Variants in KMT2A observed in about 807,000 individuals in gnomAD.
KMT2A encodes histone-lysine N-methyltransferase 2A.
KMT2A carries 16 observed loss-of-function variants against 345.3 expected under a neutral mutation model. The ratio of observed to expected loss-of-function variants is 0.05; its 90% CI spans 0.03 to 0.07. The LOEUF (loss-of-function observed/expected upper bound fraction) is 0.07. Among genes scored for constraint, KMT2A ranks in the 10% least tolerant of loss-of-function variants. KMT2A has a pLI of 1.00. For missense variants in KMT2A, 3,272 were observed against 4,841.6 expected, an observed-to-expected ratio of 0.68 and a Z score of 9.62; for synonymous variants, 1,599 against 1,778.6, an observed-to-expected ratio of 0.90 and a Z score of 2.54.
chr11:118,521,335 C>G lies in KMT2A; in HGVS notation c.11561C>G (p.Ala3854Gly), dbSNP rs2135293685. 6.2e-7 allele frequency: 1 copy of G among 1,614,016 alleles called. No individual in the cohort carries two copies. The highest frequency in any genetic ancestry group is 8.5e-7 in the Non-Finnish European group (1 of 1,179,946). The stretch of plus-strand genomic sequence containing the variant: ...CTTTTCTGTAAGAGAAACATTGATG[C>G]AGGTGAGATGGTGATTGAGTATGCC... ...RGLFCKRNID[A>G]GEMVIEYAGN... The change falls in exon 35 of 36, where the codon GCA becomes GGA. Residue 3854 changes from alanine to glycine, a missense_variant. Around this residue, in one of 27 missense-constraint regions of KMT2A, gnomAD observed 78 missense variants for 254.5 expected, o/e 0.31. Transcript: ENST00000534358. This position sits in a 1 kb window ranked among gnomAD's most constrained non-coding sequence, Gnocchi z 5.3.
At position 118,484,339 on chromosome 11, in the gene KMT2A, G is replaced by T. The variant is rs188216921; in HGVS notation, c.4218+25G>T. On this transcript the variant is annotated intron_variant, in intron 9 of 35. Transcript: ENST00000534358. This position sits in a 1 kb window ranked among gnomAD's most constrained non-coding sequence, Gnocchi z 4.1. The stretch of plus-strand genomic sequence containing the variant: ...GGTAAAGGTGTTCAGTGATCATAAA[G>T]TATATTGAGTGTCAAAGACTTTAAA... 1.7e-4 allele frequency: 269 copies of T among 1,609,836 alleles called. 1 individual carries two copies. The East Asian group carries it at 5.9e-3, about 35-fold the overall frequency.
At chr11:118,447,207 G>T (rs79587981) in intron 1 of KMT2A, among the ~76,000 whole-genome samples, 2 of 152,070 alleles carry the variant, frequency 1.3e-5, no homozygotes, top group Admixed American at 6.6e-5. Flanking sequence ...ACCTTATGTC[G>T]TGGTACTTTT....
At position 118,505,280 on chromosome 11, in the gene KMT2A, G is replaced by A. The variant is rs2134404967; in HGVS notation, c.9388G>A (p.Gly3130Ser). 6.2e-7 allele frequency: 1 copy of A among 1,614,186 alleles called. No homozygotes were observed. The highest frequency in any genetic ancestry group is 8.5e-7 in the Non-Finnish European group (1 of 1,180,028). ...TNTSVLGPMG[G>S]GLTLTTGLNP... ...TACTTCAGTATTGGGACCCATGGGA[G>A]GTGGTCTCACCCTTACCACAGGACT... Residue 3130 changes from glycine (G) to serine (S), a missense_variant, in exon 27 of 36, where the codon GGT becomes AGT. By Grantham distance (56) the Gly-to-Ser change is moderately conservative. Coordinates refer to ENST00000534358, the MANE Select transcript of KMT2A (RefSeq NM_001197104.2). The surrounding 1 kb of genome is among the most constrained non-coding windows in gnomAD (Gnocchi z 4.6).
intron 28 of KMT2A, among the ~76,000 whole-genome samples, chr11:118,508,215 G>GTA (rs1565309068): frequency 6.6e-6 from 1 of 151,910 alleles, no homozygotes; most frequent in African/African-American, 2.4e-5. Context: ...ATATAACGTG[G>GTA]TATATATATG....
chr11:118,483,656 G>C (rs558382037), intron 8 of KMT2A, among the ~76,000 whole-genome samples: 1 of 152,306 alleles, frequency 6.6e-6, no homozygotes, highest in South Asian at 2.1e-4. Context: ...GCCATTTGGC[G>C]TAATTATTTT....
At chr11:118,511,187 C>T (rs1421461913) in intron 30 of KMT2A, among the ~76,000 whole-genome samples, 3 of 151,916 alleles carry the variant, frequency 2.0e-5, no homozygotes, top group Non-Finnish European at 4.4e-5. Flanking sequence ...TGCTCAAAGA[C>T]GAGAGTTTAC....
At chr11:118,437,219 C>G (rs1949207037) in intron 1 of KMT2A, among the ~76,000 whole-genome samples, 1 of 151,854 alleles carries the variant, frequency 6.6e-6, no homozygotes, top group Non-Finnish European at 1.5e-5. Context: ...ACCCCCTCGC[C>G]GGGGTTTCCC....
chr11:118,512,280 T>A, intron 31 of KMT2A: 1 of 512,308 alleles, frequency 2.0e-6, no homozygotes, highest in Non-Finnish European at 3.4e-6. Context: ...AGAAACCCCC[T>A]ATTCATTAGC....
In KMT2A at chr11:118,499,905, T is replaced by C; in HGVS notation, c.6150T>C (p.Ile2050=). The C allele has an allele frequency of 6.2e-7, 1 of 1,605,812 alleles. No homozygotes were observed. Among genetic ancestry groups the C allele is most frequent in the Admixed American group, 1.7e-5 (1 of 60,014 alleles). The change falls in exon 24 of 36, where the codon ATT becomes ATC. Residue 2050 remains isoleucine (I), a synonymous_variant. Coordinates refer to ENST00000534358, the MANE Select transcript of KMT2A (RefSeq NM_001197104.2). ...LSDCEDKLFP[I]GYQCSRVYWS... is the part of the protein sequence containing the mutation. ...ACTGTGAAGATAAGCTCTTTCCTAT[T>C]GGATATCAGTAAGTAGCACTATAAA... is the stretch of plus-strand genomic sequence containing the variant.
intron 1 of KMT2A, among the ~76,000 whole-genome samples, chr11:118,468,004 A>G (rs993159041): frequency 2.0e-5 from 3 of 151,930 alleles, no homozygotes; most frequent in Non-Finnish European, 4.4e-5. Flanking sequence ...GGTTAAACAA[A>G]TCCTTTTTTT....
rs9332808 is a variant in KMT2A at position 118,490,756 on chromosome 11, A to G, written c.4697-440A>G. Among the ~76,000 whole-genome samples the G allele has an allele frequency of 7.3e-3, 1,108 of 152,296 alleles. 12 individuals are homozygous for G. The highest frequency in any genetic ancestry group is 0.026 in the African/African-American group (1,066 of 41,578). ...AAGAAAATTTATGAAGGTTATACAG[A>G]GTACTGAATCTTAGGAAGTGCTCCT... On this transcript the variant is annotated intron_variant, in intron 13 of 35. Coordinates refer to ENST00000534358, the MANE Select transcript of KMT2A (RefSeq NM_001197104.2). The surrounding 1 kb of genome is among the most constrained non-coding windows in gnomAD (Gnocchi z 4.2).
In KMT2A at chr11:118,497,657, A is replaced by G. The variant is rs1419112837; in HGVS notation, c.5665-279A>G. 6.6e-6 allele frequency among the ~76,000 whole-genome samples: 1 copy of G among 152,082 alleles called. No homozygotes were observed. Among genetic ancestry groups the G allele is most frequent in the Non-Finnish European group, 1.5e-5 (1 of 67,990 alleles). On this transcript the variant is annotated intron_variant, in intron 20 of 35. Transcript: ENST00000534358. This position sits in a 1 kb window ranked among gnomAD's most constrained non-coding sequence, Gnocchi z 4.8. ...AAGCGATCCTACCACTTCAGCCTCC[A>G]AAAGTGCTGGGATTACAGACGTGAA...
chr11:118,505,864 G>C lies in KMT2A; in HGVS notation c.9972G>C (p.Gln3324His). ...ATAAGTSTIS[Q>H]DTSHLTSGSV... ...CGGCAGGCACATCAACAATAAGCCA[G>C]GATACTAGCCACCTCACATCAGGGT... The change falls in exon 27 of 36, where the codon CAG (glutamine) becomes CAC (histidine). Residue 3324 changes from glutamine (Q) to histidine (H), a missense_variant. By Grantham distance (24) the Gln-to-His change is conservative (BLOSUM62 0). This residue lies in a region of KMT2A where 748 missense variants were observed against 922.2 expected (regional missense o/e 0.81). Coordinates refer to ENST00000534358, the MANE Select transcript of KMT2A (RefSeq NM_001197104.2). This position sits in a 1 kb window ranked among gnomAD's most constrained non-coding sequence, Gnocchi z 4.6. 1 of 1,614,172 alleles carries C rather than the reference G, an allele frequency of 6.2e-7. No homozygotes were observed. Among genetic ancestry groups the C allele is most frequent in the Non-Finnish European group, 8.5e-7 (1 of 1,180,032 alleles).
At position 118,495,071 on chromosome 11, in the gene KMT2A, C is replaced by A. The variant is rs1378993737; in HGVS notation, c.5363+304C>A. Among the ~76,000 whole-genome samples the A allele has an allele frequency of 6.6e-6, 1 of 152,058 alleles. No homozygotes were observed. The highest frequency in any genetic ancestry group is 1.5e-5 in the Non-Finnish European group (1 of 68,002). On this transcript the variant is annotated intron_variant, in intron 18 of 35. Coordinates refer to ENST00000534358, the MANE Select transcript of KMT2A (RefSeq NM_001197104.2). The surrounding 1 kb of genome is among the most constrained non-coding windows in gnomAD (Gnocchi z 4.1). ...AATGGGTTCTGTTTGACTGATAGTT[C>A]AAATGGTGCTTTGTACTGCTCTTGA...
chr11:118,525,583 C>T lies in KMT2A; in HGVS notation c.*3411C>T, dbSNP rs2135314681. 4.5e-6 allele frequency: 1 copy of T among 222,644 alleles called. No homozygotes were observed. Among genetic ancestry groups the T allele is most frequent in the East Asian group, 6.5e-5 (1 of 15,396 alleles). 13.8% of individuals were successfully genotyped at this position (222,644 alleles called of 1,614,324 possible). ...GGCCAATGCAGTGAGCACCATGTAG[C>T]TCCCTTGATTTAAAAAAAATAAAAA... On this transcript the variant is annotated 3_prime_UTR_variant, in exon 36 of 36. Coordinates refer to ENST00000534358, the MANE Select transcript of KMT2A (RefSeq NM_001197104.2).
Position 118,509,962 on chromosome 11 carries a change from G to A in KMT2A, c.10915G>A (p.Glu3639Lys), listed in dbSNP as rs2134430823. 1 of 1,609,600 alleles carries A rather than the reference G, an allele frequency of 6.2e-7. No homozygotes were observed. The highest frequency in any genetic ancestry group is 8.5e-7 in the Non-Finnish European group (1 of 1,177,738). Residue 3639 changes from glutamate (E) to lysine (K), a missense_variant, in exon 30 of 36, where the codon GAA (glutamate) becomes AAA (lysine). Around this residue, in one of 27 missense-constraint regions of KMT2A, gnomAD observed 748 missense variants for 922.2 expected, o/e 0.81. Transcript: ENST00000534358. Reference sequence around the variant, plus strand: ...CTCCCTATTAGAACCTAAAACAGTGGAAGAAGAGGAAAGTAATTTCAGCTC... The same window carrying A: ...CTCCCTATTAGAACCTAAAACAGTGAAAGAAGAGGAAAGTAATTTCAGCTC... ...EQESAEPKTV[E>K]EEESNFSSPL...
Position 118,477,977 on chromosome 11 carries a change from A to G in KMT2A, c.3345A>G (p.Ser1115=). The change falls in exon 5 of 36, where the codon TCA becomes TCG. Residue 1115 remains serine (S), a synonymous_variant. Transcript: ENST00000534358. ...ACATTTCTTTAACAGACAAGTCATC[A>G]ATTGCTGGCTCAGAAGATGCTGAAC... ...LSSMGNDDKS[S]IAGSEDAEPL... is the part of the protein sequence containing the mutation. 6.2e-7 allele frequency: 1 copy of G among 1,614,056 alleles called. No individual in the cohort carries two copies. Among genetic ancestry groups the G allele is most frequent in the South Asian group, 1.1e-5 (1 of 91,082 alleles).
Position 118,453,401 on chromosome 11 carries a change from A to ATT in KMT2A, c.433-15364_433-15363dup, listed in dbSNP as rs57898717. Among the ~76,000 whole-genome samples the ATT allele has an allele frequency of 8.1e-5, 12 of 148,416 alleles. No individual in the cohort carries two copies. In the East Asian group the frequency reaches 1.2e-3, roughly 15 times the overall value. ...AACCAGCTGACCACTCCCTTCTTGG[A>ATT]TTTTTTTTTTTAACATTGTACTCAC... is the stretch of plus-strand genomic sequence containing the variant. On this transcript the variant is annotated intron_variant, in intron 1 of 35. Coordinates refer to ENST00000534358, the MANE Select transcript of KMT2A (RefSeq NM_001197104.2).
chr11:118,506,658 A>G lies in KMT2A; in HGVS notation c.10754+12A>G. The G allele has an allele frequency of 3.8e-6, 6 of 1,573,710 alleles. No homozygotes were observed. The highest frequency in any genetic ancestry group is 5.2e-6 in the Non-Finnish European group (6 of 1,158,874). On this transcript the variant is annotated intron_variant, in intron 27 of 35. Transcript: ENST00000534358. Reference sequence around the variant, plus strand: ...ACCTCAGGCACAGGGTGAGAGATCCAAATACTAGCTAGGCTGGGTCTGTGG... The same window carrying G: ...ACCTCAGGCACAGGGTGAGAGATCCGAATACTAGCTAGGCTGGGTCTGTGG...
Sources: gnomAD v4.1 joint callset for allele counts (sites outside exome capture counted in the v4.1 genomes callset) on GRCh38, gnomAD v4.1.1 for gene constraint, gnomAD v4.1.1 regional missense constraint, Gnocchi (gnomAD v3.1) non-coding constraint, MANE v1.5 for transcripts, NCBI Gene and HGNC (gene_info 2026-07-23, HGNC 2026-07-21) for gene names.